FRMD4A: variants seen among roughly 807,000 people sequenced by gnomAD.
The protein encoded by FRMD4A is FERM domain containing 4A, also known as FERM domain-containing protein 4A.
FRMD4A carries 29 observed loss-of-function variants against 129.1 expected under a neutral mutation model. The observed-to-expected ratio is 0.22, with a 90% CI of 0.17 to 0.31. The LOEUF (loss-of-function observed/expected upper bound fraction) is 0.31, where lower values mean the gene tolerates loss of function less well. FRMD4A is among the 10% of genes least tolerant of loss of function. The pLI is 1.00. For synonymous variants in FRMD4A, 634 were observed against 571.6 expected, an observed-to-expected ratio of 1.11 and a Z score of -1.56; for missense variants, 1,272 against 1,375.8, an observed-to-expected ratio of 0.92 and a Z score of 1.19.
chr10:13,690,417 G>C (rs1009707610), intron 15 of FRMD4A, among the ~76,000 whole-genome samples: 3 of 152,226 alleles, frequency 2.0e-5, no homozygotes, highest in Admixed American at 2.0e-4. Context: ...AGCCATCCCA[G>C]CGGGAGGGAG....
At chr10:14,010,461 C>T (rs111407749) in intron 2 of FRMD4A, among the ~76,000 whole-genome samples, 1,654 of 152,140 alleles carry the variant, frequency 0.011, 17 homozygotes, top group Non-Finnish European at 0.017. Context: ...CCTTGGGAGG[C>T]GGGGAGAAGG....
chr10:13,770,225 G>A (rs956542701), intron 6 of FRMD4A, among the ~76,000 whole-genome samples: 10 of 152,024 alleles, frequency 6.6e-5, no homozygotes, highest in Admixed American at 2.6e-4. Context: ...ATGCGATCTC[G>A]CACAATTCCT....
intron 2 of FRMD4A, among the ~76,000 whole-genome samples, chr10:14,242,497 T>C (rs1340473895): frequency 6.6e-6 from 1 of 152,232 alleles, no homozygotes; most frequent in East Asian, 1.9e-4. Flanking sequence ...AGTATATTAA[T>C]GGTAATAAAA....
At chr10:14,250,358 A>T (rs1844394042) in intron 2 of FRMD4A, among the ~76,000 whole-genome samples, 1 of 152,260 alleles carries the variant, frequency 6.6e-6, no homozygotes, top group Non-Finnish European at 1.5e-5. Context: ...AAGAGGAAGC[A>T]TAGAATAGCA....
At chr10:13,673,442 G>A (rs2134725695) in intron 16 of FRMD4A, among the ~76,000 whole-genome samples, 1 of 152,226 alleles carries the variant, frequency 6.6e-6, no homozygotes, top group Non-Finnish European at 1.5e-5. Context: ...ACTTACTTTG[G>A]GAACCTCTTT....
rs1564638268 is a variant in FRMD4A at position 13,699,241 on chromosome 10, T to TG, written c.975+2098_975+2099insC. Among the ~76,000 whole-genome samples, 999 of 116,226 alleles carry TG rather than the reference T, an allele frequency of 8.6e-3. 9 individuals carry two copies. The highest frequency in any genetic ancestry group is 0.027 in the African/African-American group (893 of 33,640). 76.2% of individuals were successfully genotyped at this position (116,226 alleles called of 152,430 possible). On this transcript the variant is annotated intron_variant, in intron 14 of 24. Transcript: ENST00000357447. ...TGGTTATTGTTTTTTTTTTTTTTTT[T>TG]TTTTTTTGTATTTTTAGTAAAGACT...
At chr10:13,977,624 A>G (rs567383847) in intron 2 of FRMD4A, among the ~76,000 whole-genome samples, 7 of 152,180 alleles carry the variant, frequency 4.6e-5, no homozygotes, top group Non-Finnish European at 1.0e-4. Context: ...TCATCCCCCA[A>G]AAGAAAACCA....
intron 3 of FRMD4A, among the ~76,000 whole-genome samples, chr10:13,852,177 T>C (rs984998385): frequency 2.6e-5 from 4 of 152,064 alleles, no homozygotes; most frequent in Non-Finnish European, 5.9e-5. Context: ...GGTTTGGGCC[T>C]ACTGCTCTAG....
chr10:14,294,478 C>T (rs1845946213), intron 2 of FRMD4A, among the ~76,000 whole-genome samples: 1 of 152,198 alleles, frequency 6.6e-6, no homozygotes, highest in South Asian at 2.1e-4. Flanking sequence ...GTATTGCAAT[C>T]CATAGTTCAC....
intron 2 of FRMD4A, among the ~76,000 whole-genome samples, chr10:14,127,199 C>T (rs923544434): frequency 1.2e-4 from 18 of 152,186 alleles, no homozygotes; most frequent in Non-Finnish European, 5.9e-5. Flanking sequence ...GGCAAAGGCT[C>T]AGCATTCAGG....
At chr10:14,117,236 T>C (rs1838243922) in intron 2 of FRMD4A, among the ~76,000 whole-genome samples, 1 of 152,062 alleles carries the variant, frequency 6.6e-6, no homozygotes, top group African/African-American at 2.4e-5. Flanking sequence ...AAGGCAAGAG[T>C]CCATCACAAG....
intron 15 of FRMD4A, among the ~76,000 whole-genome samples, chr10:13,691,278 G>A (rs2085663034): frequency 1.3e-5 from 2 of 152,158 alleles, no homozygotes; most frequent in African/African-American, 2.4e-5. Context: ...GTGAGCCACT[G>A]CGCCCGGCCA....
At chr10:13,878,515 G>C (rs1213028432) in intron 2 of FRMD4A, among the ~76,000 whole-genome samples, 2 of 152,196 alleles carry the variant, frequency 1.3e-5, no homozygotes, top group African/African-American at 4.8e-5. Context: ...CACTTTGGGA[G>C]GCCGAGGCGG....
In FRMD4A at chr10:13,684,798, T is replaced by G. The variant is rs931773002; in HGVS notation, c.1117+9100A>C. The stretch of plus-strand genomic sequence containing the variant: ...GGGGAAACTTCAAAGCAAACAATGC[T>G]CCAAAGAAGAAAGGAATCGGTTGTT... On this transcript the variant is annotated intron_variant, in intron 15 of 24. Transcript: ENST00000357447. 3 of 982,220 alleles carry G rather than the reference T, an allele frequency of 3.1e-6. No homozygotes were observed. In the African/African-American group the frequency reaches 5.4e-5, roughly 18 times the overall value. 60.8% of individuals were successfully genotyped at this position (982,220 alleles called of 1,614,324 possible).
chr10:14,241,095 G>C (rs1444382619), intron 2 of FRMD4A, among the ~76,000 whole-genome samples: 1 of 152,114 alleles, frequency 6.6e-6, no homozygotes, highest in African/African-American at 2.4e-5. Context: ...CATCTACATA[G>C]GGTTCTGCTG....
intron 2 of FRMD4A, among the ~76,000 whole-genome samples, chr10:14,253,861 G>T (rs1844520817): frequency 6.6e-6 from 1 of 152,186 alleles, no homozygotes. Context: ...GGCAGGTAAT[G>T]TTGTAATTTG....
At chr10:14,300,418 T>TA (rs1425870400) in intron 2 of FRMD4A, among the ~76,000 whole-genome samples, 3 of 152,174 alleles carry the variant, frequency 2.0e-5, no homozygotes, top group Non-Finnish European at 4.4e-5. Flanking sequence ...CTGCAATTTT[T>TA]AAAAAATTCC....
chr10:13,717,720 GC>G (rs1378857962), intron 12 of FRMD4A, among the ~76,000 whole-genome samples: 14 of 131,370 alleles, frequency 1.1e-4, no homozygotes, highest in Admixed American at 1.0e-3. Context: ...TCCAGGGGTG[GC>G]GGGGGGGGTT....
intron 2 of FRMD4A, among the ~76,000 whole-genome samples, chr10:14,309,853 T>A (rs943927343): frequency 2.6e-5 from 4 of 152,212 alleles, no homozygotes; most frequent in Non-Finnish European, 5.9e-5. Context: ...GTTTCCTTCC[T>A]ATTTCAAAAC....
Sources: gnomAD v4.1 joint callset for allele counts (sites outside exome capture counted in the v4.1 genomes callset) on GRCh38, gnomAD v4.1.1 for gene constraint, MANE v1.5 for transcripts, NCBI Gene and HGNC (gene_info 2026-07-23, HGNC 2026-07-21) for gene names.